FOCAD: variants seen among roughly 807,000 people sequenced by gnomAD.
The protein encoded by FOCAD is KIAA1797.
FOCAD carries 198 observed loss-of-function variants against 225.6 expected under a neutral mutation model. The ratio of observed to expected loss-of-function variants is 0.88; its 90% CI spans 0.78 to 0.99. The LOEUF is 0.99. FOCAD is among the 50% of genes least tolerant of loss of function. The probability of loss-of-function intolerance (pLI) is 0.00; values close to 1 mark genes in which losing one functional copy is unlikely to be tolerated. For synonymous variants in FOCAD, 897 were observed against 755.0 expected (o/e 1.19, Z -3.08); for missense variants, 2,713 against 2,123.6 (o/e 1.28, Z -5.46).
At chr9:20,860,205 G>A (rs931441133) in intron 15 of FOCAD, among the ~76,000 whole-genome samples, 7 of 152,104 alleles carry the variant, frequency 4.6e-5, no homozygotes, top group African/African-American at 1.7e-4. Flanking sequence ...TTGGTGCAGT[G>A]CTGTTAACTG....
Position 20,929,414 on chromosome 9 carries a change from G to T in FOCAD, c.3135G>T (p.Thr1045=), listed in dbSNP as rs775718721. The change falls in exon 27 of 44, where the codon ACG becomes ACT. Residue 1045 remains threonine (T), a synonymous_variant. Transcript: ENST00000338382. ...CCATTGCCCGTTCTGCTGCCGCCACGGCTTTGTCTCTCCTTGTGCCAGTTT... is the reference window on the plus strand; with the variant it reads ...CCATTGCCCGTTCTGCTGCCGCCACTGCTTTGTCTCTCCTTGTGCCAGTTT... ...ASAIARSAAA[T]ALSLLVPVFI... 4 of 1,613,874 alleles carry T rather than the reference G, an allele frequency of 2.5e-6. No homozygotes were observed. The highest frequency in any genetic ancestry group is 3.4e-6 in the Non-Finnish European group (4 of 1,180,008).
At chr9:20,698,978 A>G (rs1051543498) in intron 1 of FOCAD, among the ~76,000 whole-genome samples, 4 of 152,200 alleles carry the variant, frequency 2.6e-5, no homozygotes, top group African/African-American at 9.7e-5. Flanking sequence ...AGTAAGATCA[A>G]ATGCTCAGGA....
At position 20,885,185 on chromosome 9, in the gene FOCAD, C is replaced by T. The variant is rs902340174; in HGVS notation, c.2580C>T (p.Ser860=). 4 of 1,542,624 alleles carry T rather than the reference C, an allele frequency of 2.6e-6. No homozygotes were observed. The African/African-American group carries it at 4.1e-5, about 16-fold the overall frequency. ...AACCATTGAACAGACTGATGGCCAGCAGAGGGCGAAGTTTCAAGCAGACTT... is the reference window on the plus strand; with the variant it reads ...AACCATTGAACAGACTGATGGCCAGTAGAGGGCGAAGTTTCAAGCAGACTT... ...DGKPLNRLMA[S]RGRSFKQTSL... is the part of the protein sequence containing the mutation. The change falls in exon 21 of 44, where the codon AGC becomes AGT. Residue 860 remains serine, a synonymous_variant. Transcript: ENST00000338382.
intron 6 of FOCAD, among the ~76,000 whole-genome samples, chr9:20,760,069 C>A (rs1829437193): frequency 6.6e-6 from 1 of 152,202 alleles, no homozygotes; most frequent in South Asian, 2.1e-4. Context: ...TGGCTCTTGC[C>A]ACCTGTTCCT....
At chr9:20,939,687 CCTT>C (rs988966524) in intron 28 of FOCAD, among the ~76,000 whole-genome samples, 2 of 148,478 alleles carry the variant, frequency 1.3e-5, no homozygotes, top group Admixed American at 6.7e-5. Flanking sequence ...TTGATTCTTA[CCTT>C]CTTTTATTTT....
At chr9:20,775,580 C>T (rs779761710) in intron 8 of FOCAD, among the ~76,000 whole-genome samples, 1 of 152,206 alleles carries the variant, frequency 6.6e-6, no homozygotes, top group African/African-American at 2.4e-5. Context: ...GGGCCACCAT[C>T]TTTGTTTTGT....
intron 2 of FOCAD, among the ~76,000 whole-genome samples, chr9:20,679,171 G>C: frequency 7.6e-6 from 1 of 131,974 alleles, no homozygotes. Context: ...GTGTGTGTGT[G>C]TTGGGGATGG....
chr9:20,884,170 AAAGTC>A lies in FOCAD; in HGVS notation c.2504-935_2504-931del, dbSNP rs533523914. On this transcript the variant is annotated intron_variant, in intron 20 of 43. Transcript: ENST00000338382. ...GAATCTCTAGAACTAAACAGTTCAC[AAAGTC>A]AAGACTTGCAAATTTGTTCATTTAT... Among the ~76,000 whole-genome samples the A allele has an allele frequency of 3.1e-3, 476 of 152,370 alleles. 4 individuals carry two copies. Among genetic ancestry groups the A allele is most frequent in the African/African-American group, 0.011 (461 of 41,584 alleles).
chr9:20,897,500 G>A (rs1283851615), intron 21 of FOCAD, among the ~76,000 whole-genome samples: 1 of 149,418 alleles, frequency 6.7e-6, no homozygotes, highest in Non-Finnish European at 1.5e-5. Context: ...CATTTTGTAT[G>A]ATTTTTTCTC....
chr9:20,995,208 G>C (rs1841966445), intron 43 of FOCAD, among the ~76,000 whole-genome samples: 1 of 151,892 alleles, frequency 6.6e-6, no homozygotes, highest in Non-Finnish European at 1.5e-5. Context: ...TATTCATGTA[G>C]AAAAGAGCAC....
chr9:20,976,615 A>T, intron 36 of FOCAD, 67 bp downstream of exon 36: 1 of 1,512,850 alleles, frequency 6.6e-7, no homozygotes, highest in Non-Finnish European at 9.2e-7. Context: ...GGAAAAACAG[A>T]TTCTGTGTCA....
intron 21 of FOCAD, among the ~76,000 whole-genome samples, chr9:20,902,572 A>T (rs1832642972): frequency 1.3e-5 from 2 of 151,952 alleles, no homozygotes; most frequent in South Asian, 4.1e-4. Flanking sequence ...TTCTGAGTTA[A>T]TGTATTAACA....
intron 43 of FOCAD, among the ~76,000 whole-genome samples, chr9:20,995,225 TGAG>T (rs1348873241): frequency 2.0e-5 from 3 of 152,018 alleles, no homozygotes; most frequent in African/African-American, 7.2e-5. Flanking sequence ...GCACAAATTG[TGAG>T]GAGATTTTTA....
chr9:20,656,278 A>C (rs1173604936), upstream of FOCAD, among the ~76,000 whole-genome samples: 1 of 151,770 alleles, frequency 6.6e-6, no homozygotes, highest in African/African-American at 2.4e-5. Flanking sequence ...AGAGTTCTGT[A>C]GATGTCTATT....
Position 20,781,767 on chromosome 9 carries a change from A to G in FOCAD, c.1035A>G (p.Pro345=), listed in dbSNP as rs1272894473. Residue 345 remains proline (P), a synonymous_variant, in exon 10 of 44, where the codon CCA becomes CCG. Transcript: ENST00000338382. ...CTGTTACTGAGGATCAGAAAATCCCAAAGTCCTCTCTGCTGCTAGTGATGC... is the reference window on the plus strand; with the variant it reads ...CTGTTACTGAGGATCAGAAAATCCCGAAGTCCTCTCTGCTGCTAGTGATGC... ...LLSVTEDQKI[P]KSSLLLVMPI... 6.2e-7 allele frequency: 1 copy of G among 1,613,968 alleles called. No homozygotes were observed. Among genetic ancestry groups the G allele is most frequent in the African/African-American group, 1.3e-5 (1 of 74,948 alleles).
At chr9:20,918,753 T>G (rs1447377978) in intron 24 of FOCAD, among the ~76,000 whole-genome samples, 2 of 152,062 alleles carry the variant, frequency 1.3e-5, no homozygotes, top group Non-Finnish European at 2.9e-5. Context: ...ACAAAGTATC[T>G]TATAGACCTT....
rs543440853 is a variant in FOCAD, at chr9:20,685,526, A to G, written c.-33+1233A>G. 6.6e-5 allele frequency among the ~76,000 whole-genome samples: 10 copies of G among 152,340 alleles called. No homozygotes were observed. In the East Asian group the frequency reaches 1.3e-3, roughly 21 times the overall value. ...TGTTTACAATTTTGATTCACATCCA[A>G]TTCCTGCGTAGAAAGCACTGTGACT... On this transcript the variant is annotated intron_variant, in intron 1 of 43. Coordinates refer to ENST00000338382, the MANE Select transcript of FOCAD (RefSeq NM_001375567.1).
At chr9:20,892,054 A>G (rs992370606) in intron 21 of FOCAD, among the ~76,000 whole-genome samples, 1 of 152,216 alleles carries the variant, frequency 6.6e-6, no homozygotes, top group African/African-American at 2.4e-5. Flanking sequence ...CAAGGCCTGG[A>G]TGACAGCATA....
chr9:20,661,586 C>G (rs1183388490), intron 2 of FOCAD, among the ~76,000 whole-genome samples: 2 of 152,152 alleles, frequency 1.3e-5, no homozygotes, highest in Non-Finnish European at 2.9e-5. Context: ...CAGTGTCCTT[C>G]TTTTTCTCAC....
Sources: gnomAD v4.1 joint callset for allele counts (sites outside exome capture counted in the v4.1 genomes callset) on GRCh38, gnomAD v4.1.1 for gene constraint, MANE v1.5 for transcripts, NCBI Gene and HGNC (gene_info 2026-07-23, HGNC 2026-07-21) for gene names.